The following ANKS1A variants were observed in gnomAD, a reference collection of about 807,000 sequenced individuals.
The protein encoded by ANKS1A is ankyrin repeat and sterile alpha motif domain containing 1A.
Under a neutral mutation model 120.3 loss-of-function variants are expected in ANKS1A, and 55 were observed. The observed-to-expected ratio is 0.46, with a 90% CI of 0.37 to 0.57. The LOEUF is 0.57. Ranked by LOEUF, ANKS1A falls within the 20% of genes least tolerant of loss-of-function variation. The pLI, the probability that ANKS1A is intolerant of heterozygous loss-of-function variation, is 0.00. For missense variants in ANKS1A, 1,123 were observed against 1,480.3 expected (o/e 0.76, Z 3.96); for synonymous variants, 590 against 604.7 (o/e 0.98, Z 0.36).
intron 11 of ANKS1A, 42 bp downstream of exon 11, chr6:35,018,101 C>A (rs2127558920): frequency 6.3e-7 from 1 of 1,580,300 alleles, no homozygotes; most frequent in Non-Finnish European, 8.6e-7. Flanking sequence ...GCTGGCCAGG[C>A]TGGCCGCAGC....
chr6:34,987,606 G>A lies in ANKS1A; in HGVS notation c.1210-1618G>A, dbSNP rs1194526052. Reference sequence around the variant, plus strand: ...AGCTTTGTTTGGCTTGAACATACAGGCTTGTTTTGAAGTTGTTGCCATTGG... The same window carrying A: ...AGCTTTGTTTGGCTTGAACATACAGACTTGTTTTGAAGTTGTTGCCATTGG... On this transcript the variant is annotated intron_variant, in intron 8 of 23. Transcript: ENST00000360359. 2.6e-5 allele frequency among the ~76,000 whole-genome samples: 4 copies of A among 152,296 alleles called. No individual in the cohort carries two copies. The East Asian group carries it at 5.8e-4, about 22-fold the overall frequency.
chr6:35,054,020 C>A, intron 11 of ANKS1A, 79 bp from the exon 12 acceptor site: 1 of 1,195,192 alleles, frequency 8.4e-7, no homozygotes. Flanking sequence ...GAGGTCAGAC[C>A]CCACTGGCGC....
intron 11 of ANKS1A, among the ~76,000 whole-genome samples, chr6:35,029,273 AT>A (rs1349047917): frequency 7.7e-6 from 1 of 130,542 alleles, no homozygotes; most frequent in Non-Finnish European, 1.7e-5. Context: ...GCCTTGTGGT[AT>A]TTTTATGTTT....
At chr6:35,004,906 A>G (rs966440127) in intron 10 of ANKS1A, among the ~76,000 whole-genome samples, 4 of 152,208 alleles carry the variant, frequency 2.6e-5, no homozygotes, top group Non-Finnish European at 5.9e-5. Context: ...CTTTGTTTGT[A>G]TTTAAGCTAA....
chr6:35,086,614 C>T lies in ANKS1A; in HGVS notation c.3304-338C>T, dbSNP rs1464677481. 6.6e-6 allele frequency among the ~76,000 whole-genome samples: 1 copy of T among 151,940 alleles called. No homozygotes were observed. The highest frequency in any genetic ancestry group is 1.5e-5 in the Non-Finnish European group (1 of 67,978). On this transcript the variant is annotated intron_variant, in intron 22 of 23. Transcript: ENST00000360359. The surrounding 1 kb of genome is among the most constrained non-coding windows in gnomAD (Gnocchi z 5.1). The stretch of plus-strand genomic sequence containing the variant: ...GCTCTCTGGGCCTACCAGAGAGACC[C>T]GAGGCTGGACATTTGCAAGCCCCAT...
chr6:35,048,604 A>T (rs1775827884), intron 11 of ANKS1A, among the ~76,000 whole-genome samples: 1 of 152,178 alleles, frequency 6.6e-6, no homozygotes, highest in African/African-American at 2.4e-5. Flanking sequence ...AAGGAAAAAA[A>T]ATCACCCAGA....
chr6:34,969,923 A>T, intron 2 of ANKS1A, 87 bp from the exon 3 acceptor site: 1 of 1,470,844 alleles, frequency 6.8e-7, no homozygotes, highest in Non-Finnish European at 9.2e-7. Flanking sequence ...TATCTGTGAA[A>T]GGGCTTTGTG....
chr6:35,022,786 CA>C (rs1344728475), intron 11 of ANKS1A, among the ~76,000 whole-genome samples: 2 of 152,172 alleles, frequency 1.3e-5, no homozygotes, highest in Non-Finnish European at 1.5e-5. Flanking sequence ...AATACATATC[CA>C]AATTCGGAGT....
At chr6:35,020,135 C>T (rs1432294022) in intron 11 of ANKS1A, among the ~76,000 whole-genome samples, 3 of 151,902 alleles carry the variant, frequency 2.0e-5, no homozygotes, top group South Asian at 2.1e-4. Flanking sequence ...GAGAGGGCCT[C>T]GAGCATCAGG....
intron 11 of ANKS1A, among the ~76,000 whole-genome samples, chr6:35,046,832 G>T (rs897040924): frequency 6.6e-6 from 1 of 152,098 alleles, no homozygotes; most frequent in African/African-American, 2.4e-5. Context: ...TGATAAATAC[G>T]TACATTTGTC....
At chr6:35,041,812 T>C (rs1775473404) in intron 11 of ANKS1A, among the ~76,000 whole-genome samples, 2 of 152,194 alleles carry the variant, frequency 1.3e-5, no homozygotes, top group African/African-American at 2.4e-5. Context: ...TGGCCTCCCA[T>C]TTTCCTGCCA....
intron 11 of ANKS1A, among the ~76,000 whole-genome samples, chr6:35,034,162 T>G (rs1775042382): frequency 6.6e-6 from 1 of 152,244 alleles, no homozygotes; most frequent in Admixed American, 6.5e-5. Context: ...GCCACTTAGT[T>G]TTGCTTTCTC....
At chr6:35,045,570 G>A (rs574567926) in intron 11 of ANKS1A, among the ~76,000 whole-genome samples, 26 of 152,244 alleles carry the variant, frequency 1.7e-4, no homozygotes, top group African/African-American at 6.0e-4. Context: ...CAGTACATTC[G>A]AAATCCTATG....
chr6:34,990,135 T>C (rs539042306), intron 9 of ANKS1A, among the ~76,000 whole-genome samples: 1 of 152,368 alleles, frequency 6.6e-6, no homozygotes, highest in Admixed American at 6.5e-5. Context: ...GTTCGAGTTA[T>C]TGATTTTTTA....
intron 1 of ANKS1A, among the ~76,000 whole-genome samples, chr6:34,911,732 G>A (rs779181848): frequency 2.0e-5 from 3 of 152,114 alleles, no homozygotes; most frequent in Non-Finnish European, 4.4e-5. Context: ...AAATTTAGTC[G>A]TCTGCTTATG....
chr6:34,993,876 C>T (rs746028312), intron 9 of ANKS1A, among the ~76,000 whole-genome samples: 14 of 152,210 alleles, frequency 9.2e-5, no homozygotes, highest in Non-Finnish European at 1.8e-4. Flanking sequence ...ATGCAGAACA[C>T]TGTAGGCATG....
intron 11 of ANKS1A, among the ~76,000 whole-genome samples, chr6:35,046,142 C>T (rs553064291): frequency 4.0e-5 from 6 of 151,898 alleles, no homozygotes; most frequent in Non-Finnish European, 8.8e-5. Context: ...TTCTTTTGAC[C>T]CTGATTAATA....
At chr6:34,913,228 C>G (rs1561843828) in intron 1 of ANKS1A, among the ~76,000 whole-genome samples, 1 of 152,302 alleles carries the variant, frequency 6.6e-6, no homozygotes, top group South Asian at 2.1e-4. Context: ...GAGAAATGAA[C>G]AGACTTCAGG....
At chr6:35,095,037 A>AGGCT (rs1418438811), downstream of ANKS1A, among the ~76,000 whole-genome samples, 2 of 148,138 alleles carry the variant, frequency 1.4e-5, no homozygotes, top group Non-Finnish European at 3.0e-5. Context: ...ACTACTCTGG[A>AGGCT]GGCTGAGGTG....
Sources: gnomAD v4.1 joint callset for allele counts (sites outside exome capture counted in the v4.1 genomes callset) on GRCh38, gnomAD v4.1.1 for gene constraint, Gnocchi (gnomAD v3.1) non-coding constraint, MANE v1.5 for transcripts, NCBI Gene and HGNC (gene_info 2026-07-23, HGNC 2026-07-21) for gene names.